Variants in MLIP observed in about 807,000 individuals in gnomAD.
MLIP encodes the protein muscular LMNA interacting protein, also known as muscular LMNA-interacting protein.
In MLIP, 79 loss-of-function variants were observed where a neutral mutation model predicts 84.8. The ratio of observed to expected loss-of-function variants is 0.93; its 90% CI spans 0.78 to 1.12. MLIP has a LOEUF of 1.12. Among genes scored for constraint, MLIP ranks in the 50% most tolerant of loss-of-function variants. The pLI is 0.00. For missense variants in MLIP, 1,257 were observed against 1,160.6 expected (o/e 1.08, Z -1.21); for synonymous variants, 504 against 463.0 (o/e 1.09, Z -1.14).
chr6:54,127,546 A>G (rs1771024701), intron 3 of MLIP, among the ~76,000 whole-genome samples: 1 of 152,052 alleles, frequency 6.6e-6, no homozygotes, highest in Admixed American at 6.6e-5. Context: ...TTCTGTACCT[A>G]TTTTATAATT....
intron 4 of MLIP, among the ~76,000 whole-genome samples, chr6:54,140,762 T>TA (rs1270097414): frequency 5.3e-5 from 8 of 152,216 alleles, no homozygotes; most frequent in African/African-American, 1.9e-4. Context: ...GTGGAATAGA[T>TA]AAATCTTATC....
At chr6:54,131,381 T>A (rs1024979026) in intron 3 of MLIP, among the ~76,000 whole-genome samples, 26 of 152,118 alleles carry the variant, frequency 1.7e-4, no homozygotes, top group Admixed American at 1.2e-3. Context: ...TTTTTTTAAT[T>A]TTTATTTTTT....
chr6:54,162,430 T>C (rs1230422634), intron 8 of MLIP, among the ~76,000 whole-genome samples: 2 of 151,990 alleles, frequency 1.3e-5, no homozygotes, highest in African/African-American at 4.8e-5. Flanking sequence ...TTTAAACCCT[T>C]ATTTGCCATG....
chr6:54,115,717 A>G (rs1257517375), intron 1 of MLIP, among the ~76,000 whole-genome samples: 2 of 152,164 alleles, frequency 1.3e-5, no homozygotes, highest in Non-Finnish European at 2.9e-5. Flanking sequence ...GCTAAGAGAG[A>G]TTGTGAAGGG....
intron 12 of MLIP, among the ~76,000 whole-genome samples, chr6:54,245,219 T>G (rs2150848916): frequency 6.6e-6 from 1 of 152,236 alleles, no homozygotes; most frequent in South Asian, 2.1e-4. Flanking sequence ...GCGGTTCAGA[T>G]ATTGGTGATT....
chr6:54,136,648 A>G, intron 3 of MLIP, 67 bp from the exon 4 acceptor site: 3 of 1,343,022 alleles, frequency 2.2e-6, no homozygotes. Context: ...CGCACAAGTG[A>G]CAAGAATATT....
chr6:54,062,013 T>G (rs1765992745), intron 1 of MLIP, among the ~76,000 whole-genome samples: 1 of 152,222 alleles, frequency 6.6e-6, no homozygotes, highest in South Asian at 2.1e-4. Flanking sequence ...TTTTAAAAAT[T>G]TCATTTTAGG....
In MLIP at chr6:54,075,790, C is replaced by T. The variant is rs575135007; in HGVS notation, c.64-45657C>T. ...CTCTCAGGTCACCAAGGTAGTTTTCCTGGTGATTAGGTTCCCAGCACCAAA... is the reference window on the plus strand; with the variant it reads ...CTCTCAGGTCACCAAGGTAGTTTTCTTGGTGATTAGGTTCCCAGCACCAAA... On this transcript the variant is annotated intron_variant, in intron 1 of 12. Transcript: ENST00000274897. Among the ~76,000 whole-genome samples the T allele has an allele frequency of 3.3e-5, 5 of 152,122 alleles. No individual in the cohort carries two copies. In the South Asian group the frequency reaches 1.0e-3, roughly 32 times the overall value.
chr6:54,236,236 A>C (rs1411968942), intron 12 of MLIP, among the ~76,000 whole-genome samples: 1 of 151,366 alleles, frequency 6.6e-6, no homozygotes, highest in African/African-American at 2.4e-5. Context: ...AGAAATTCGA[A>C]TCCTCTATGT....
chr6:54,104,481 C>T (rs1030470121), intron 1 of MLIP, among the ~76,000 whole-genome samples: 1 of 152,094 alleles, frequency 6.6e-6, no homozygotes, highest in African/African-American at 2.4e-5. Context: ...TCAGGTCTTT[C>T]AGTCAATCTA....
intron 9 of MLIP, among the ~76,000 whole-genome samples, chr6:54,180,310 T>C (rs778921636): frequency 4.6e-5 from 7 of 152,144 alleles, no homozygotes; most frequent in Non-Finnish European, 1.0e-4. Flanking sequence ...TTCCTTGGGT[T>C]AAATCTTCCT....
rs77250147 is a variant in MLIP, at chr6:54,252,554, T to C, written c.2923-4754T>C. 6.3e-3 allele frequency among the ~76,000 whole-genome samples: 922 copies of C among 145,972 alleles called. 11 individuals are homozygous for C. The highest frequency in any genetic ancestry group is 0.021 in the African/African-American group (829 of 39,932). ...ATAGATAATGATAATAAATATAACC[T>C]ATAACATATTATCATGATATGTATA... On this transcript the variant is annotated intron_variant, in intron 12 of 13. Transcript: ENST00000502396.
intron 1 of MLIP, among the ~76,000 whole-genome samples, chr6:54,023,663 G>A (rs538774125): frequency 1.3e-5 from 2 of 152,082 alleles, no homozygotes; most frequent in South Asian, 4.2e-4. Flanking sequence ...TCCGCCTCCC[G>A]AGTTCAAGCG....
At chr6:54,234,036 A>G (rs1781193486) in intron 12 of MLIP, among the ~76,000 whole-genome samples, 1 of 151,918 alleles carries the variant, frequency 6.6e-6, no homozygotes, top group Non-Finnish European at 1.5e-5. Flanking sequence ...CCACTTTTTG[A>G]TGGGGTTGTT....
chr6:54,190,022 C>A, intron 10 of MLIP, 108 bp downstream of exon 10: 1 of 771,182 alleles, frequency 1.3e-6, no homozygotes, highest in South Asian at 1.9e-5. Flanking sequence ...TATTTTTATT[C>A]ACTTACTTGT....
intron 9 of MLIP, among the ~76,000 whole-genome samples, chr6:54,188,536 G>C (rs1273832448): frequency 6.6e-6 from 1 of 152,136 alleles, no homozygotes; most frequent in Admixed American, 6.5e-5. Flanking sequence ...CCTACACAGA[G>C]TCAAGATAAT....
intron 3 of MLIP, among the ~76,000 whole-genome samples, chr6:54,128,916 T>C (rs1282364497): frequency 6.6e-6 from 1 of 152,038 alleles, no homozygotes; most frequent in Admixed American, 6.6e-5. Flanking sequence ...AAGTCTGAGA[T>C]GGCAGCATTG....
At chr6:54,257,412 T>A (rs983704638) in intron 13 of MLIP, 51 bp downstream of exon 13, 2 of 1,355,628 alleles carry the variant, frequency 1.5e-6, no homozygotes, top group Non-Finnish European at 2.1e-6. Context: ...TGTGTGATTA[T>A]AGAAATAAAC....
chr6:54,187,515 A>G (rs571236708), intron 9 of MLIP, among the ~76,000 whole-genome samples: 1 of 152,294 alleles, frequency 6.6e-6, no homozygotes, highest in South Asian at 2.1e-4. Flanking sequence ...ACCAAGTAAA[A>G]CTTCTAGAAG....
Sources: allele counts gnomAD v4.1 joint callset (sites outside exome capture counted in the v4.1 genomes callset), GRCh38; gene constraint gnomAD v4.1.1; transcripts MANE v1.5; gene names NCBI Gene and HGNC (gene_info 2026-07-23, HGNC 2026-07-21).